RPH3A: variants seen among roughly 807,000 people sequenced by gnomAD.
The protein encoded by RPH3A is rabphilin 3A.
In RPH3A, 48 loss-of-function variants were observed where a neutral mutation model predicts 102.2. The ratio of observed to expected loss-of-function variants is 0.47; its 90% CI spans 0.37 to 0.60. RPH3A has a LOEUF of 0.60. Ranked by LOEUF, RPH3A falls within the 20% of genes least tolerant of loss-of-function variation. The pLI is 0.00. For synonymous variants in RPH3A, 310 were observed against 324.3 expected, an observed-to-expected ratio of 0.96 and a Z score of 0.47; for missense variants, 781 against 910.1, an observed-to-expected ratio of 0.86 and a Z score of 1.83.
intron 1 of RPH3A, among the ~76,000 whole-genome samples, chr12:112,620,286 A>G (rs2039713106): frequency 6.6e-6 from 1 of 152,194 alleles, no homozygotes; most frequent in South Asian, 2.1e-4. Context: ...CATGCAGATC[A>G]CATGGTCCAA....
At chr12:112,583,713 G>A (rs1270772844) in intron 1 of RPH3A, among the ~76,000 whole-genome samples, 1 of 152,126 alleles carries the variant, frequency 6.6e-6, no homozygotes, top group Non-Finnish European at 1.5e-5. Flanking sequence ...GGCCATGCGC[G>A]GTGGCTCATG....
intron 1 of RPH3A, among the ~76,000 whole-genome samples, chr12:112,774,463 C>T (rs1049242179): frequency 2.0e-5 from 3 of 152,196 alleles, no homozygotes; most frequent in Non-Finnish European, 2.9e-5. Flanking sequence ...TGGGTTCACC[C>T]GCTGGAGCTT....
chr12:112,669,537 A>G (rs1416673581), intron 1 of RPH3A, among the ~76,000 whole-genome samples: 2 of 152,348 alleles, frequency 1.3e-5, no homozygotes, highest in East Asian at 1.9e-4. Context: ...ATTAACCCAC[A>G]TCGCAAGGAA....
At chr12:112,821,506 C>T (rs2041778927) in intron 2 of RPH3A, among the ~76,000 whole-genome samples, 1 of 152,112 alleles carries the variant, frequency 6.6e-6, no homozygotes, top group Non-Finnish European at 1.5e-5. Context: ...CAAGCACATG[C>T]CTGCCCCAGG....
At chr12:112,597,206 A>G (rs2039523660) in intron 1 of RPH3A, among the ~76,000 whole-genome samples, 1 of 152,238 alleles carries the variant, frequency 6.6e-6, no homozygotes, top group Non-Finnish European at 1.5e-5. Context: ...GACGGTGTTC[A>G]AGAGGGAATT....
chr12:112,678,688 G>A (rs2040204886), intron 1 of RPH3A, among the ~76,000 whole-genome samples: 1 of 152,140 alleles, frequency 6.6e-6, no homozygotes, highest in South Asian at 2.1e-4. Flanking sequence ...CCTGACGCAG[G>A]ATTTAACAGC....
At chr12:112,727,452 GACACAGACACACACACACACAC>G (rs2040600587) in intron 1 of RPH3A, among the ~76,000 whole-genome samples, 39 of 51,766 alleles carry the variant, frequency 7.5e-4, no homozygotes, top group Non-Finnish European at 4.7e-4. Flanking sequence ...TACACACACA[GACACAGACACACACACACACAC>G]ACACACACAC....
intron 1 of RPH3A, among the ~76,000 whole-genome samples, chr12:112,689,338 A>G (rs1442193070): frequency 6.6e-6 from 1 of 152,222 alleles, no homozygotes; most frequent in East Asian, 1.9e-4. Context: ...GAACTGCCAT[A>G]TCTTCAGATT....
chr12:112,804,947 A>G (rs1030585187), intron 2 of RPH3A, among the ~76,000 whole-genome samples: 1 of 152,152 alleles, frequency 6.6e-6, no homozygotes, highest in African/African-American at 2.4e-5. Context: ...CTCGCCTGTG[A>G]CAAAGTTTCC....
intron 1 of RPH3A, among the ~76,000 whole-genome samples, chr12:112,614,982 A>AC (rs2039667737): frequency 6.6e-6 from 1 of 152,076 alleles, no homozygotes; most frequent in Admixed American, 6.6e-5. Context: ...AATAAGCATG[A>AC]CCATGAAAGA....
Position 112,825,447 on chromosome 12 carries a change from A to G in RPH3A, c.-18-2854A>G, listed in dbSNP as rs555745834. ...TTCAGCGTCACAGGAAACAAGACCT[A>G]CAGGGAAATCAGGACCCCCTAGACA... On this transcript the variant is annotated intron_variant, in intron 2 of 21. Transcript: ENST00000389385. Among the ~76,000 whole-genome samples, 343 of 152,310 alleles carry G rather than the reference A, an allele frequency of 2.3e-3. 3 individuals are homozygous for G. The highest frequency in any genetic ancestry group is 3.7e-3 in the South Asian group (18 of 4,810).
At position 112,876,798 on chromosome 12, in the gene RPH3A, C is replaced by T. The variant is rs1255398687; in HGVS notation, c.1103C>T (p.Ala368Val). ...TCTGCAGCTGCCCCCCAGCCTGCTG[C>T]AGCCCGCCAGCCACCACCCCCAGAG... is the stretch of plus-strand genomic sequence containing the variant. ...QASAAAPQPA[A>V]ARQPPPPEEE... is the part of the protein sequence containing the mutation. Residue 368 changes from alanine to valine, a missense_variant, in exon 13 of 22, where the codon GCA (alanine) becomes GTA (valine). Ala to Val is a moderately conservative substitution (Grantham distance 64). This residue lies in a region of RPH3A where 730 missense variants were observed against 810.0 expected (regional missense o/e 0.90). Coordinates refer to ENST00000389385, the MANE Select transcript of RPH3A (RefSeq NM_001143854.2). 1.2e-6 allele frequency: 2 copies of T among 1,610,136 alleles called. No individual in the cohort carries two copies. Among genetic ancestry groups the T allele is most frequent in the Non-Finnish European group, 1.7e-6 (2 of 1,178,230 alleles).
intron 5 of RPH3A, among the ~76,000 whole-genome samples, chr12:112,864,485 G>A (rs2042574870): frequency 6.6e-6 from 1 of 151,806 alleles, no homozygotes; most frequent in South Asian, 2.1e-4. Context: ...CTATAGGCAG[G>A]GAAAATATAA....
In RPH3A at chr12:112,654,799, G is replaced by A. The variant is rs150916451; in HGVS notation, c.-140+79480G>A. The stretch of plus-strand genomic sequence containing the variant: ...GCTGCTGTAACTCCTTGATCCATTG[G>A]TTAGTTCAAGGAGGTGGTGTTCAAA... On this transcript the variant is annotated intron_variant, in intron 1 of 21. Transcript: ENST00000543106. Among the ~76,000 whole-genome samples the A allele has an allele frequency of 4.1e-4, 63 of 152,250 alleles. No homozygotes were observed. In the East Asian group the frequency reaches 0.012, roughly 29 times the overall value.
At chr12:112,871,680 T>A (rs899194542) in intron 10 of RPH3A, among the ~76,000 whole-genome samples, 1 of 151,196 alleles carries the variant, frequency 6.6e-6, no homozygotes, top group Non-Finnish European at 1.5e-5. Context: ...ATACACAATA[T>A]TCTATTGTGT....
At position 112,875,095 on chromosome 12, in the gene RPH3A, G is replaced by A. The variant is rs1465800544; in HGVS notation, c.808G>A (p.Ala270Thr). 1.9e-6 allele frequency: 3 copies of A among 1,608,216 alleles called. No individual in the cohort carries two copies. Among genetic ancestry groups the A allele is most frequent in the African/African-American group, 1.3e-5 (1 of 74,936 alleles). The part of the protein sequence containing the change: ...SSRSPAGLRR[A>T]NSVQASRPAP... ...TCTTTCCTCTGCAGGTTTGAGACGG[G>A]CCAACTCAGTCCAGGCCTCCAGACC... The change falls in exon 11 of 22, where the codon GCC becomes ACC. Residue 270 changes from alanine to threonine, a missense_variant. Physicochemically the swap from Ala to Thr is moderately conservative, Grantham distance 58 (BLOSUM62 0). This residue lies in a region of RPH3A where 730 missense variants were observed against 810.0 expected (regional missense o/e 0.90). Coordinates refer to ENST00000389385, the MANE Select transcript of RPH3A (RefSeq NM_001143854.2).
At chr12:112,766,934 C>T (rs1592987733) in intron 1 of RPH3A, among the ~76,000 whole-genome samples, 1 of 152,130 alleles carries the variant, frequency 6.6e-6, no homozygotes, top group African/African-American at 2.4e-5. Flanking sequence ...GTGGCTGGGG[C>T]CCCAGAGCAC....
intron 1 of RPH3A, among the ~76,000 whole-genome samples, chr12:112,752,898 T>G (rs2040794283): frequency 6.6e-6 from 1 of 151,562 alleles, no homozygotes; most frequent in African/African-American, 2.4e-5. Context: ...CAGGTTCCCA[T>G]CATTGAGACT....
intron 1 of RPH3A, among the ~76,000 whole-genome samples, chr12:112,653,975 A>T (rs543967502): frequency 6.6e-6 from 1 of 152,358 alleles, no homozygotes; most frequent in East Asian, 1.9e-4. Context: ...ACATTGTTAA[A>T]GACACATACA....
Sources: gnomAD v4.1 joint callset for allele counts (sites outside exome capture counted in the v4.1 genomes callset) on GRCh38, gnomAD v4.1.1 for gene constraint, gnomAD v4.1.1 regional missense constraint, MANE v1.5 for transcripts, NCBI Gene and HGNC (gene_info 2026-07-23, HGNC 2026-07-21) for gene names.